The following FGF12 variants were observed in gnomAD, a reference collection of about 807,000 sequenced individuals.
FGF12 encodes the protein fibroblast growth factor 12.
In FGF12, 14 loss-of-function variants were observed where a neutral mutation model predicts 23.6. The observed-to-expected ratio is 0.59, with a 90% CI of 0.39 to 0.93. FGF12 has a LOEUF of 0.93. Ranked by LOEUF, FGF12 falls within the 40% of genes least tolerant of loss-of-function variation. FGF12 has a pLI of 0.00. For synonymous variants in FGF12, 62 were observed against 77.3 expected (o/e 0.80, Z 1.04); for missense variants, 175 against 217.8 (o/e 0.80, Z 1.24).
intron 3 of FGF12, among the ~76,000 whole-genome samples, chr3:192,354,123 A>G (rs1577381582): frequency 6.6e-6 from 1 of 152,318 alleles, no homozygotes; most frequent in South Asian, 2.1e-4. Flanking sequence ...TACATTTCCA[A>G]TTGGTTTTCT....
chr3:192,607,806 C>T (rs6444652), intron 2 of FGF12, among the ~76,000 whole-genome samples: 26,859 of 125,980 alleles, frequency 0.21, 2,676 homozygotes, highest in African/African-American at 0.32. Context: ...TCACCATGAG[C>T]AAATAAAAAT....
At chr3:192,445,180 AGAG>A (rs1358155576) in intron 2 of FGF12, among the ~76,000 whole-genome samples, 1 of 152,224 alleles carries the variant, frequency 6.6e-6, no homozygotes, top group East Asian at 1.9e-4. Flanking sequence ...AGCAATTCAC[AGAG>A]GAGTGTGATT....
At chr3:192,441,383 G>A (rs1279022700) in intron 2 of FGF12, among the ~76,000 whole-genome samples, 3 of 152,104 alleles carry the variant, frequency 2.0e-5, no homozygotes, top group Admixed American at 6.6e-5. Context: ...TGAAACCAGG[G>A]TTCTAGCCCC....
In FGF12 at chr3:192,419,381, G is replaced by A. The variant is rs1026593872; in HGVS notation, c.14-58843C>T. ...AAGTGAGGCCTATGTTCAAGTGTTT[G>A]AAGAACTTGAGTATTGTGTGTGTGC... is the stretch of plus-strand genomic sequence containing the variant. On this transcript the variant is annotated intron_variant, in intron 2 of 5. Coordinates refer to ENST00000445105, the MANE Select transcript of FGF12 (RefSeq NM_004113.6). Among the ~76,000 whole-genome samples the A allele has an allele frequency of 3.3e-5, 5 of 152,248 alleles. No individual in the cohort carries two copies. The East Asian group carries it at 9.7e-4, about 29-fold the overall frequency.
At chr3:192,391,957 G>A (rs1720309799) in intron 2 of FGF12, among the ~76,000 whole-genome samples, 1 of 152,166 alleles carries the variant, frequency 6.6e-6, no homozygotes, top group Non-Finnish European at 1.5e-5. Flanking sequence ...AAAGATTTAT[G>A]TTTACTAAAG....
In FGF12 at chr3:192,514,313, C is replaced by T. The variant is rs1724588320; in HGVS notation, c.14-153775G>A. Among the ~76,000 whole-genome samples the T allele has an allele frequency of 1.3e-5, 2 of 152,262 alleles. No homozygotes were observed. Among genetic ancestry groups the T allele is most frequent in the Admixed American group, 6.5e-5 (1 of 15,290 alleles). ...CGAGCAACTTTTCGGAGACACTGAA[C>T]AACTCCAAGTCGCGCGCCGCCCTCG... On this transcript the variant is annotated intron_variant, in intron 2 of 5. Coordinates refer to ENST00000445105, the MANE Select transcript of FGF12 (RefSeq NM_004113.6). This position sits in a 1 kb window ranked among gnomAD's most constrained non-coding sequence, Gnocchi z 4.9.
intron 2 of FGF12, among the ~76,000 whole-genome samples, chr3:192,667,058 T>C (rs2108689205): frequency 6.6e-6 from 1 of 152,208 alleles, no homozygotes; most frequent in South Asian, 2.1e-4. Context: ...ATTCACAAAG[T>C]CATATAATAT....
At chr3:192,326,470 C>A (rs113528246) in intron 4 of FGF12, among the ~76,000 whole-genome samples, 2,074 of 152,188 alleles carry the variant, frequency 0.014, 34 homozygotes, top group East Asian at 0.05. Context: ...GAGATCACCA[C>A]CCCCAACTCA....
chr3:192,585,626 C>T (rs1002885498), intron 2 of FGF12, among the ~76,000 whole-genome samples: 3 of 152,092 alleles, frequency 2.0e-5, no homozygotes. Flanking sequence ...TTTTTCTCCC[C>T]ACTTACTGAG....
At chr3:192,271,321 T>C (rs1713423274) in intron 4 of FGF12, among the ~76,000 whole-genome samples, 3 of 152,180 alleles carry the variant, frequency 2.0e-5, no homozygotes, top group Admixed American at 2.0e-4. Context: ...CCATTAAACT[T>C]TTTCTGAGTC....
intron 4 of FGF12, among the ~76,000 whole-genome samples, chr3:192,315,301 T>C (rs552821688): frequency 6.6e-6 from 1 of 152,308 alleles, no homozygotes; most frequent in Non-Finnish European, 1.5e-5. Context: ...TTCTCAGTGC[T>C]ATATGTTCAA....
rs200309674 is a variant in FGF12, at chr3:192,144,029, C to T, written c.526G>A (p.Val176Met). ...GTPTMNGGKV[V>M]NQDST Reference sequence around the variant, plus strand: ...CTCAGCTATGTTGAATCTTGATTCACAACTTTGCCTCCATTCATGGTTGGT... The same window carrying T: ...CTCAGCTATGTTGAATCTTGATTCATAACTTTGCCTCCATTCATGGTTGGT... Residue 176 changes from valine to methionine, a missense_variant, in exon 6 of 6, where the codon GTG (valine) becomes ATG (methionine). By Grantham distance (21) the Val-to-Met change is conservative. Transcript: ENST00000445105. 6.2e-7 allele frequency: 1 copy of T among 1,611,114 alleles called. No homozygotes were observed. Among genetic ancestry groups the T allele is most frequent in the East Asian group, 2.2e-5 (1 of 44,842 alleles).
intron 2 of FGF12, among the ~76,000 whole-genome samples, chr3:192,643,741 T>A (rs1051658033): frequency 6.6e-6 from 1 of 152,178 alleles, no homozygotes; most frequent in Non-Finnish European, 1.5e-5. Context: ...ATATAAATTA[T>A]AAATAGTATA....
At chr3:192,331,583 G>A (rs940212779) in intron 4 of FGF12, among the ~76,000 whole-genome samples, 3 of 152,044 alleles carry the variant, frequency 2.0e-5, no homozygotes, top group African/African-American at 7.2e-5. Context: ...AGTGAAATAA[G>A]CCAGTTACAA....
At chr3:192,585,809 T>C (rs1713351080) in intron 2 of FGF12, among the ~76,000 whole-genome samples, 1 of 152,134 alleles carries the variant, frequency 6.6e-6, no homozygotes. Context: ...AGCAATGTAA[T>C]ATTATGTCTA....
At chr3:192,567,350 A>AG (rs1712343235) in intron 2 of FGF12, among the ~76,000 whole-genome samples, 2 of 152,156 alleles carry the variant, frequency 1.3e-5, no homozygotes, top group African/African-American at 4.8e-5. Flanking sequence ...CCGAAGTTGG[A>AG]GAAAAAAAAA....
At chr3:192,597,665 GA>G (rs1713918967) in intron 2 of FGF12, among the ~76,000 whole-genome samples, 2 of 152,200 alleles carry the variant, frequency 1.3e-5, no homozygotes, top group Non-Finnish European at 1.5e-5. Context: ...AGAAAGAGAA[GA>G]AAAGTCGGAG....
chr3:192,703,535 C>T (rs144250482), intron 2 of FGF12, among the ~76,000 whole-genome samples: 1 of 152,250 alleles, frequency 6.6e-6, no homozygotes, highest in East Asian at 1.9e-4. Flanking sequence ...TTTGTCACAT[C>T]GATTGACTCT....
intron 4 of FGF12, among the ~76,000 whole-genome samples, chr3:192,192,958 A>C (rs894712927): frequency 6.6e-6 from 1 of 152,250 alleles, no homozygotes; most frequent in African/African-American, 2.4e-5. Flanking sequence ...CAGCAGTGTC[A>C]AGAATACTTT....
Sources: allele counts gnomAD v4.1 joint callset (sites outside exome capture counted in the v4.1 genomes callset), GRCh38; gene constraint gnomAD v4.1.1; non-coding constraint Gnocchi (gnomAD v3.1); transcripts MANE v1.5; gene names NCBI Gene and HGNC (gene_info 2026-07-23, HGNC 2026-07-21).